The following DDAH1 variants were observed in gnomAD, a reference collection of about 807,000 sequenced individuals.
DDAH1 encodes dimethylarginine dimethylaminohydrolase 1.
DDAH1 carries 19 observed loss-of-function variants against 28.8 expected under a neutral mutation model. The observed-to-expected ratio is 0.66, with a 90% CI of 0.46 to 0.97. The LOEUF (loss-of-function observed/expected upper bound fraction) is 0.97. Ranked by LOEUF, DDAH1 falls within the 50% of genes least tolerant of loss-of-function variation. The pLI is 0.00. For synonymous variants in DDAH1, 153 were observed against 154.4 expected (o/e 0.99, Z 0.07); for missense variants, 326 against 375.9 (o/e 0.87, Z 1.10).
chr1:85,455,540 C>T lies in DDAH1; in HGVS notation c.303+9203G>A, dbSNP rs530969918. Among the ~76,000 whole-genome samples the T allele has an allele frequency of 4.6e-5, 7 of 152,148 alleles. No homozygotes were observed. In the South Asian group the frequency reaches 1.0e-3, roughly 23 times the overall value. On this transcript the variant is annotated intron_variant, in intron 1 of 5. Coordinates refer to ENST00000284031, the MANE Select transcript of DDAH1 (RefSeq NM_012137.4). ...ACAGTTCAGCATCAGGAATAGAAAC[C>T]AGCACACATATATGGAAGGTTTGTA... is the stretch of plus-strand genomic sequence containing the variant.
chr1:85,323,968 C>CAAAAAA (rs11446322), intron 5 of DDAH1, among the ~76,000 whole-genome samples: 1 of 99,968 alleles, frequency 1.0e-5, no homozygotes. Context: ...GATCCTGTCT[C>CAAAAAA]AAAAAAAAAA....
At chr1:85,531,735 C>T (rs56319232) in intron 1 of DDAH1, among the ~76,000 whole-genome samples, 23 of 147,172 alleles carry the variant, frequency 1.6e-4, no homozygotes, top group African/African-American at 5.3e-4. Context: ...AAGGCCGATA[C>T]GTGTATAATG....
intron 2 of DDAH1, among the ~76,000 whole-genome samples, chr1:85,470,945 C>T (rs1655597024): frequency 6.6e-6 from 1 of 152,180 alleles, no homozygotes; most frequent in South Asian, 2.1e-4. Context: ...GAATTTGATT[C>T]CTGGCCCTCC....
At chr1:85,372,578 T>A (rs965171291) in intron 1 of DDAH1, among the ~76,000 whole-genome samples, 2 of 151,798 alleles carry the variant, frequency 1.3e-5, no homozygotes, top group Non-Finnish European at 2.9e-5. Flanking sequence ...GCCATTATAG[T>A]TTTTTTCTCC....
At position 85,358,943 on chromosome 1, in the gene DDAH1, A is replaced by ACACACC. The variant is rs1649637315; in HGVS notation, c.304-102_304-97dup. On this transcript the variant is annotated intron_variant, in intron 1 of 5. Transcript: ENST00000284031. ...TAAACACTAAATCAAGCTCTCGTGC[A>ACACACC]CACACCCACACACATCCACACTCAT... 117 of 766,280 alleles carry ACACACC rather than the reference A, an allele frequency of 1.5e-4. No homozygotes were observed. The South Asian group carries it at 1.9e-3, about 12-fold the overall frequency. 47.5% of individuals were successfully genotyped at this position (766,280 alleles called of 1,614,324 possible).
chr1:85,494,981 T>C (rs1272981111), intron 2 of DDAH1: 1 of 152,236 alleles, frequency 6.6e-6, no homozygotes, highest in Non-Finnish European at 1.5e-5. Context: ...GACTAGCCCC[T>C]GTTTTCCCAC....
chr1:85,468,692 G>T (rs948959144), upstream of DDAH1, among the ~76,000 whole-genome samples: 21 of 152,074 alleles, frequency 1.4e-4, no homozygotes. Flanking sequence ...GCTAATTTTT[G>T]TATTTTTAGT....
At chr1:85,498,202 C>T (rs7539668) in intron 1 of DDAH1, among the ~76,000 whole-genome samples, 3,580 of 152,246 alleles carry the variant, frequency 0.024, 137 homozygotes, top group African/African-American at 0.082. Context: ...GGATAGCCAA[C>T]AGGACTATAG....
intron 2 of DDAH1, among the ~76,000 whole-genome samples, chr1:85,471,998 C>T (rs1655634882): frequency 6.6e-6 from 1 of 152,192 alleles, no homozygotes; most frequent in Admixed American, 6.5e-5. Flanking sequence ...AGTCCCATGC[C>T]CCACTGAGGC....
chr1:85,476,738 T>C (rs1655817319), intron 2 of DDAH1, among the ~76,000 whole-genome samples: 2 of 152,358 alleles, frequency 1.3e-5, no homozygotes, highest in South Asian at 2.1e-4. Context: ...TTTCTCTTGA[T>C]GGAAGCAGTG....
At chr1:85,342,609 GA>G (rs775837452) in intron 4 of DDAH1, among the ~76,000 whole-genome samples, 55 of 152,312 alleles carry the variant, frequency 3.6e-4, no homozygotes, top group Non-Finnish European at 2.8e-4. Flanking sequence ...TTCTGGGCAG[GA>G]AAAACCTAAG....
intron 1 of DDAH1, among the ~76,000 whole-genome samples, chr1:85,531,612 T>C (rs1330101404): frequency 6.7e-6 from 1 of 148,972 alleles, no homozygotes; most frequent in Admixed American, 6.7e-5. Context: ...TGGGTATTTT[T>C]TTCCCTATTG....
rs1339737386 is a variant in DDAH1 at position 85,537,462 on chromosome 1, G to A, written c.-123+40522C>T. Among the ~76,000 whole-genome samples, 6 of 140,078 alleles carry A rather than the reference G, an allele frequency of 4.3e-5. No individual in the cohort carries two copies. In the Admixed American group the frequency reaches 4.3e-4, roughly 10 times the overall value. The allele number at this position is 140,078 out of a possible 152,430, so 91.9% of individuals were successfully genotyped here. A position where few individuals can be genotyped will look rare whatever the true frequency, so the allele number is the denominator to read the frequency against. On this transcript the variant is annotated intron_variant, in intron 1 of 6. Coordinates refer to the DDAH1 transcript ENST00000426972. Reference sequence around the variant, plus strand: ...ATACTGTGTGATCTCACTCACATGTGGAATCTGAAAAAAAAAAAAGATTGC... The same window carrying A: ...ATACTGTGTGATCTCACTCACATGTAGAATCTGAAAAAAAAAAAAGATTGC...
chr1:85,539,435 G>A (rs1287566965), intron 1 of DDAH1, among the ~76,000 whole-genome samples: 1 of 152,144 alleles, frequency 6.6e-6, no homozygotes, highest in Non-Finnish European at 1.5e-5. Flanking sequence ...GAGCCACCGC[G>A]CCTTGCCAAA....
intron 1 of DDAH1, among the ~76,000 whole-genome samples, chr1:85,565,249 C>T (rs1659262532): frequency 6.6e-6 from 1 of 152,044 alleles, no homozygotes; most frequent in South Asian, 2.1e-4. Context: ...CAGCTGATTT[C>T]TCATCAGAAA....
At chr1:85,463,581 G>T (rs980658420) in intron 1 of DDAH1, among the ~76,000 whole-genome samples, 2 of 152,212 alleles carry the variant, frequency 1.3e-5, no homozygotes, top group Admixed American at 1.3e-4. Flanking sequence ...TGAAATAAAA[G>T]CTGATTATCT....
intron 1 of DDAH1, among the ~76,000 whole-genome samples, chr1:85,438,254 T>C (rs956445266): frequency 1.3e-5 from 2 of 152,054 alleles, no homozygotes; most frequent in African/African-American, 4.8e-5. Flanking sequence ...ATGAACTCAT[T>C]TGTACACCAA....
chr1:85,437,334 G>A (rs148971364), intron 1 of DDAH1, among the ~76,000 whole-genome samples: 3 of 152,120 alleles, frequency 2.0e-5, no homozygotes, highest in Non-Finnish European at 4.4e-5. Flanking sequence ...AATAATTATA[G>A]TTGACCCTTG....
chr1:85,359,052 TA>T (rs1649645096), intron 1 of DDAH1, among the ~76,000 whole-genome samples: 1 of 152,218 alleles, frequency 6.6e-6, no homozygotes, highest in African/African-American at 2.4e-5. Context: ...AAAAATTGTT[TA>T]TTTTGTTCCC....
Sources: gnomAD v4.1 joint callset for allele counts (sites outside exome capture counted in the v4.1 genomes callset) on GRCh38, gnomAD v4.1.1 for gene constraint, MANE v1.5 for transcripts, NCBI Gene and HGNC (gene_info 2026-07-23, HGNC 2026-07-21) for gene names.